The following RERE variants were observed in gnomAD, a reference collection of about 807,000 sequenced individuals.
RERE encodes arginine-glutamic acid dipeptide repeats protein.
RERE carries 40 observed loss-of-function variants against 146.1 expected under a neutral mutation model. The ratio of observed to expected loss-of-function variants is 0.27; its 90% CI spans 0.21 to 0.36. RERE has a LOEUF of 0.36. Among genes scored for constraint, RERE ranks in the 10% least tolerant of loss-of-function variants. The pLI, the probability that RERE is intolerant of heterozygous loss-of-function variation, is 1.00. For missense variants in RERE, 1,933 were observed against 2,138.7 expected (o/e 0.90, Z 1.90); for synonymous variants, 1,003 against 866.0 (o/e 1.16, Z -2.78).
At chr1:8,388,224 A>C (rs1642750368) in intron 12 of RERE, among the ~76,000 whole-genome samples, 1 of 152,212 alleles carries the variant, frequency 6.6e-6, no homozygotes, top group Non-Finnish European at 1.5e-5. Context: ...CATAAGGAAA[A>C]GGAGGGGGGT....
chr1:8,660,319 G>A (rs1399422111), intron 1 of RERE, among the ~76,000 whole-genome samples: 2 of 152,220 alleles, frequency 1.3e-5, no homozygotes, highest in African/African-American at 4.8e-5. Flanking sequence ...GGGACCCAGA[G>A]AGGAACCAGA....
intron 10 of RERE, among the ~76,000 whole-genome samples, chr1:8,476,407 C>T (rs998762610): frequency 4.6e-5 from 7 of 152,104 alleles, no homozygotes; most frequent in African/African-American, 1.4e-4. Flanking sequence ...GGACTTTTTC[C>T]GCTGCAGTGA....
intron 10 of RERE, among the ~76,000 whole-genome samples, chr1:8,486,758 A>AAG: frequency 6.7e-6 from 1 of 149,570 alleles, no homozygotes. Context: ...TCCATCTTAA[A>AAG]AAAAAAAAAA....
intron 1 of RERE, among the ~76,000 whole-genome samples, chr1:8,788,162 T>TA (rs1557543255): frequency 1.3e-5 from 2 of 151,860 alleles, no homozygotes; most frequent in Admixed American, 6.6e-5. Context: ...TAGTACTAGA[T>TA]AGAGTACAAA....
intron 4 of RERE, among the ~76,000 whole-genome samples, chr1:8,601,669 C>CACACACACAT (rs1557427303): frequency 1.4e-5 from 2 of 139,552 alleles, no homozygotes; most frequent in African/African-American, 5.5e-5. Context: ...CACACACACA[C>CACACACACAT]ACATCTTCCT....
At chr1:8,756,444 CTAA>C (rs1422069454) in intron 1 of RERE, among the ~76,000 whole-genome samples, 1 of 152,062 alleles carries the variant, frequency 6.6e-6, no homozygotes, top group Non-Finnish European at 1.5e-5. Flanking sequence ...CAAAAAGGAC[CTAA>C]AAGCCTCGAC....
At position 8,497,498 on chromosome 1, in the gene RERE, G is replaced by A; in HGVS notation, c.911C>T (p.Ser304Phe). ...TTGGGTCACTGTATCACCATCTGGA[G>A]AAGGAAATGGTTGCAGATCTGGAAG... ...AKLPDLQPFP[S>F]PDGDTVTQHE... The change falls in exon 9 of 23, where the codon TCT (serine) becomes TTT (phenylalanine). Residue 304 changes from serine (S) to phenylalanine (F), a missense_variant. By Grantham distance (155) the Ser-to-Phe change is radical. Around this residue, in one of 11 missense-constraint regions of RERE, gnomAD observed 260 missense variants for 378.4 expected, o/e 0.69. Coordinates refer to ENST00000400908, the MANE Select transcript of RERE (RefSeq NM_001042681.2). 6.2e-7 allele frequency: 1 copy of A among 1,614,156 alleles called. No individual in the cohort carries two copies. The highest frequency in any genetic ancestry group is 8.5e-7 in the Non-Finnish European group (1 of 1,179,986).
intron 6 of RERE, among the ~76,000 whole-genome samples, 184 bp from the exon 7 acceptor site, chr1:8,541,502 T>C (rs746385542): frequency 6.6e-6 from 1 of 152,222 alleles, no homozygotes; most frequent in African/African-American, 2.4e-5. Context: ...ACCTGTGTAA[T>C]CTGACTGCTT....
At chr1:8,671,808 T>C (rs1638723735) in intron 1 of RERE, among the ~76,000 whole-genome samples, 1 of 152,198 alleles carries the variant, frequency 6.6e-6, no homozygotes, top group African/African-American at 2.4e-5. Flanking sequence ...GTACCACAAT[T>C]TGAATCCGAA....
intron 1 of RERE, among the ~76,000 whole-genome samples, chr1:8,721,198 G>C (rs767825488): frequency 6.6e-6 from 1 of 152,230 alleles, no homozygotes; most frequent in African/African-American, 2.4e-5. Flanking sequence ...GCAGAGGTCT[G>C]CTTCCCCAAG....
At chr1:8,571,338 T>C (rs1646218930) in intron 4 of RERE, among the ~76,000 whole-genome samples, 1 of 152,256 alleles carries the variant, frequency 6.6e-6, no homozygotes, top group African/African-American at 2.4e-5. Context: ...ATATGCTTTT[T>C]GTACCACTGC....
intron 2 of RERE, among the ~76,000 whole-genome samples, chr1:8,638,218 C>T (rs7520025): frequency 0.59 from 89,345 of 151,970 alleles, 26,849 homozygotes; most frequent in East Asian, 0.83. Flanking sequence ...CTAGAGGTCA[C>T]TCCCTGAATA....
At chr1:8,479,998 G>T (rs1644809681) in intron 10 of RERE, among the ~76,000 whole-genome samples, 1 of 152,092 alleles carries the variant, frequency 6.6e-6, no homozygotes, top group African/African-American at 2.4e-5. Context: ...TCATGGGCCT[G>T]ATTTGTTCTA....
intron 12 of RERE, among the ~76,000 whole-genome samples, chr1:8,404,277 C>T (rs903267092): frequency 3.9e-5 from 6 of 152,044 alleles, no homozygotes; most frequent in South Asian, 2.1e-4. Flanking sequence ...ATTAGCCAGG[C>T]GTGGTGGCGG....
intron 1 of RERE, among the ~76,000 whole-genome samples, chr1:8,803,707 T>TG (rs1641632170): frequency 6.6e-6 from 1 of 150,730 alleles, no homozygotes; most frequent in African/African-American, 2.4e-5. Flanking sequence ...AGACTACAGG[T>TG]GCACACCACC....
intron 10 of RERE, among the ~76,000 whole-genome samples, chr1:8,480,718 G>A (rs1007736469): frequency 1.9e-4 from 29 of 152,178 alleles, no homozygotes; most frequent in African/African-American, 6.8e-4. Flanking sequence ...TTACAGGCAC[G>A]AGCCACCGCA....
chr1:8,711,602 C>G (rs998138541), intron 1 of RERE, among the ~76,000 whole-genome samples: 41 of 152,132 alleles, frequency 2.7e-4, no homozygotes, highest in African/African-American at 9.7e-4. Flanking sequence ...AAGGGTTTTA[C>G]AGATTTAAAA....
rs1429816527 is a variant in RERE, at chr1:8,358,717, G to GGGT, written c.3815_3817dup (p.His1272dup). 1 of 1,603,656 alleles carries GGGT rather than the reference G, an allele frequency of 6.2e-7. No homozygotes were observed. The highest frequency in any genetic ancestry group is 8.5e-7 in the Non-Finnish European group (1 of 1,173,990). On this transcript the variant is annotated inframe_insertion, in exon 20 of 23. Transcript: ENST00000400908. ...CGTGGGGTTAAGGGGCATGTAGAAG[G>GGGT]GGTGGTTGCGGTTGGTGGGCGACAT... is the stretch of plus-strand genomic sequence containing the variant.
rs561880132 is a variant in RERE, at chr1:8,385,302, C to T, written c.1285-19328G>A. Among the ~76,000 whole-genome samples the T allele has an allele frequency of 4.6e-5, 7 of 152,250 alleles. No homozygotes were observed. In the East Asian group the frequency reaches 9.6e-4, roughly 21 times the overall value. ...TGATTATTAACTTCTACTGACAGCC[C>T]CATGCTTCCTTCCTCAAGAGTTTCA... On this transcript the variant is annotated intron_variant, in intron 12 of 22. Transcript: ENST00000400908.
Sources: gnomAD v4.1 joint callset for allele counts (sites outside exome capture counted in the v4.1 genomes callset) on GRCh38, gnomAD v4.1.1 for gene constraint, gnomAD v4.1.1 regional missense constraint, MANE v1.5 for transcripts, NCBI Gene and HGNC (gene_info 2026-07-23, HGNC 2026-07-21) for gene names.